Variants in PPFIA1 observed in about 807,000 individuals in gnomAD.
PPFIA1 encodes the protein PPFI scaffold protein A1.
Under a neutral mutation model 149.9 loss-of-function variants are expected in PPFIA1, and 25 were observed. The ratio of observed to expected loss-of-function variants is 0.17; its 90% CI spans 0.12 to 0.23. PPFIA1 has a LOEUF of 0.23. Among genes scored for constraint, PPFIA1 ranks in the 10% least tolerant of loss-of-function variants. PPFIA1 has a pLI of 1.00. For missense variants in PPFIA1, 1,362 were observed against 1,506.5 expected (o/e 0.90, Z 1.59); for synonymous variants, 549 against 552.8 (o/e 0.99, Z 0.10).
chr11:70,341,550 C>T (rs2055332658), intron 14 of PPFIA1, among the ~76,000 whole-genome samples: 1 of 152,040 alleles, frequency 6.6e-6, no homozygotes, highest in Admixed American at 6.6e-5. Flanking sequence ...TGTCAGCTGT[C>T]CAGGGGAGGT....
intron 2 of PPFIA1, among the ~76,000 whole-genome samples, chr11:70,295,112 T>C (rs1353332615): frequency 1.3e-5 from 2 of 150,224 alleles, no homozygotes; most frequent in Non-Finnish European, 3.0e-5. Context: ...AGGGGCTCCT[T>C]ACTTCCCAGT....
intron 9 of PPFIA1, 81 bp from the exon 10 acceptor site, chr11:70,333,389 C>T: frequency 9.3e-7 from 1 of 1,072,056 alleles, no homozygotes; most frequent in Non-Finnish European, 1.4e-6. Context: ...GCATGTTGTG[C>T]CTGTTGCCAC....
Position 70,362,147 on chromosome 11 carries a change from G to C in PPFIA1, c.2635G>C (p.Asp879His). 1 of 1,614,226 alleles carries C rather than the reference G, an allele frequency of 6.2e-7. No individual in the cohort carries two copies. Among genetic ancestry groups the C allele is most frequent in the Non-Finnish European group, 8.5e-7 (1 of 1,180,046 alleles). Reference protein sequence around the residue: ...RRQGLPFAQWDGPTVVVWLEL... With the variant: ...RRQGLPFAQWHGPTVVVWLEL... ...ACAAGGTTTACCTTTTGCCCAATGG[G>C]ACGGGCCAACGGTTGTGGTCTGGCT... The change falls in exon 20 of 28, where the codon GAC (aspartate) becomes CAC (histidine). Residue 879 changes from aspartate (D) to histidine (H), a missense_variant. Physicochemically the swap from Asp to His is moderately conservative, Grantham distance 81 (BLOSUM62 -1). Transcript: ENST00000253925.
chr11:70,313,446 C>T (rs1017595092), intron 2 of PPFIA1, among the ~76,000 whole-genome samples: 16 of 151,946 alleles, frequency 1.1e-4, no homozygotes, highest in African/African-American at 3.4e-4. Context: ...TGGATCCGAG[C>T]GGGGAAAGAT....
chr11:70,361,041 TAGAG>T (rs2056617583), intron 19 of PPFIA1, among the ~76,000 whole-genome samples: 2 of 152,226 alleles, frequency 1.3e-5, no homozygotes, highest in Non-Finnish European at 1.5e-5. Flanking sequence ...ATACCTATGT[TAGAG>T]AGCATTATGT....
chr11:70,339,131 TTTC>T (rs779364707), intron 13 of PPFIA1, 37 bp from the exon 14 acceptor site: 2 of 1,607,278 alleles, frequency 1.2e-6, no homozygotes, highest in East Asian at 2.2e-5. Flanking sequence ...TTTATTTTCT[TTTC>T]TTCTAATAAT....
intron 1 of PPFIA1, 153 bp from the exon 2 acceptor site, chr11:70,272,020 T>C (rs2050125256): frequency 1.2e-6 from 1 of 856,586 alleles, no homozygotes; most frequent in East Asian, 2.4e-5. Context: ...TTGCCCTGTG[T>C]ATGTTTTCCC....
intron 2 of PPFIA1, among the ~76,000 whole-genome samples, chr11:70,322,051 G>T (rs2053975093): frequency 6.6e-6 from 1 of 152,120 alleles, no homozygotes; most frequent in African/African-American, 2.4e-5. Context: ...AGCTAATTTT[G>T]TATTTTTAGT....
chr11:70,298,944 G>C (rs1189167428), intron 2 of PPFIA1, among the ~76,000 whole-genome samples: 2 of 152,074 alleles, frequency 1.3e-5, no homozygotes, highest in African/African-American at 2.4e-5. Flanking sequence ...TTTATTTAAA[G>C]GAACATGTTC....
At chr11:70,286,000 A>C (rs2051092788) in intron 2 of PPFIA1, among the ~76,000 whole-genome samples, 1 of 152,162 alleles carries the variant, frequency 6.6e-6, no homozygotes. Flanking sequence ...ATGTGGGAGC[A>C]CTTTCCACTT....
In PPFIA1 at chr11:70,339,392, T is replaced by C. The variant is rs1421263417; in HGVS notation, c.1707+86T>C. The C allele has an allele frequency of 3.4e-5, 50 of 1,468,330 alleles. 2 individuals are homozygous for C. The Admixed American group carries it at 1.0e-3, about 30-fold the overall frequency. 91.0% of individuals were successfully genotyped at this position (1,468,330 alleles called of 1,614,324 possible). A position where few individuals can be genotyped will look rare whatever the true frequency, so the allele number is the denominator to read the frequency against. ...TTCAGACTACTTTGGGATAAAAATG[T>C]TGATAGGTCATTGCTTTCTTGCCCT... is the stretch of plus-strand genomic sequence containing the variant. On this transcript the variant is annotated intron_variant, in intron 14 of 27. Coordinates refer to ENST00000253925, the MANE Select transcript of PPFIA1 (RefSeq NM_003626.5).
chr11:70,343,919 C>T lies in PPFIA1; in HGVS notation c.1931+27C>T, dbSNP rs554010363. On this transcript the variant is annotated intron_variant, in intron 15 of 27. Transcript: ENST00000253925. ...TGTGTGCAACCGTGCATGACACTCA[C>T]CACACGCATGGGTGTCTCTGAGGAA... 1.0e-5 allele frequency: 16 copies of T among 1,573,056 alleles called. No homozygotes were observed. The African/African-American group carries it at 1.6e-4, about 16-fold the overall frequency.
intron 2 of PPFIA1, 69 bp downstream of exon 2, chr11:70,272,505 T>C: frequency 2.1e-6 from 3 of 1,460,888 alleles, no homozygotes; most frequent in East Asian, 2.3e-5. Flanking sequence ...GTGTCATCTT[T>C]TGTTAATGTT....
At position 70,348,145 on chromosome 11, in the gene PPFIA1, T is replaced by G. The variant is rs372495025; in HGVS notation, c.1932-44T>G. The stretch of plus-strand genomic sequence containing the variant: ...TTTTTCTCATGCAAACACATTAATC[T>G]GTTTGCCGAAACAGGAGGACTGACT... On this transcript the variant is annotated intron_variant, in intron 15 of 27. Transcript: ENST00000253925. 31 of 1,562,626 alleles carry G rather than the reference T, an allele frequency of 2.0e-5. No individual in the cohort carries two copies. The African/African-American group carries it at 3.8e-4, about 19-fold the overall frequency.
chr11:70,376,374 G>A (rs552915513), intron 24 of PPFIA1, among the ~76,000 whole-genome samples, 158 bp from the exon 25 acceptor site: 11 of 152,208 alleles, frequency 7.2e-5, no homozygotes, highest in South Asian at 4.1e-4. Context: ...TGGTCTGTCC[G>A]CCTTGGCGTC....
intron 2 of PPFIA1, chr11:70,278,949 G>C: frequency 1.6e-6 from 1 of 614,346 alleles, no homozygotes; most frequent in Admixed American, 2.0e-5. Context: ...CCCAATTAGA[G>C]ATTTGTGGAT....
At chr11:70,314,669 A>G (rs945897096) in intron 2 of PPFIA1, among the ~76,000 whole-genome samples, 2 of 152,158 alleles carry the variant, frequency 1.3e-5, no homozygotes, top group East Asian at 3.8e-4. Flanking sequence ...TCATATGGAA[A>G]TGCGGTTCTG....
In PPFIA1 at chr11:70,376,580, A is replaced by G; in HGVS notation, c.3364A>G (p.Thr1122Ala). The change falls in exon 25 of 28, where the codon ACT (threonine) becomes GCT (alanine). Residue 1122 changes from threonine (T) to alanine (A), a missense_variant. Coordinates refer to ENST00000253925, the MANE Select transcript of PPFIA1 (RefSeq NM_003626.5). ...ATTTAACAACCTTTTGGTCATGGGG[A>G]CTGATAGAAGGTTTGATGAAGTAAG... The part of the protein sequence containing the change: ...REFNNLLVMG[T>A]DRRFDEDDDK... 1 of 1,613,738 alleles carries G rather than the reference A, an allele frequency of 6.2e-7. No individual in the cohort carries two copies. Among genetic ancestry groups the G allele is most frequent in the Middle Eastern group, 1.6e-4 (1 of 6,062 alleles).
At chr11:70,355,881 C>T in intron 18 of PPFIA1, 70 bp downstream of exon 18, 3 of 1,539,452 alleles carry the variant, frequency 1.9e-6, no homozygotes, top group Non-Finnish European at 2.6e-6. Flanking sequence ...TCGGTGCCAT[C>T]AGTTCCCACG....
Sources: allele counts gnomAD v4.1 joint callset (sites outside exome capture counted in the v4.1 genomes callset), GRCh38; gene constraint gnomAD v4.1.1; transcripts MANE v1.5; gene names NCBI Gene and HGNC (gene_info 2026-07-23, HGNC 2026-07-21).